ATF7IP2: variants seen among roughly 807,000 people sequenced by gnomAD.
ATF7IP2 encodes activating transcription factor 7-interacting protein 2.
In ATF7IP2, 42 loss-of-function variants were observed where a neutral mutation model predicts 64.2. The ratio of observed to expected loss-of-function variants is 0.65; its 90% CI spans 0.51 to 0.85. The LOEUF is 0.85. Ranked by LOEUF, ATF7IP2 falls within the 40% of genes least tolerant of loss-of-function variation. ATF7IP2 has a pLI of 0.00. For missense variants in ATF7IP2, 933 were observed against 784.2 expected (o/e 1.19, Z -2.27); for synonymous variants, 308 against 272.8 (o/e 1.13, Z -1.27).
At chr16:10,476,161 CTT>C (rs1362819978) in intron 12 of ATF7IP2, among the ~76,000 whole-genome samples, 1 of 152,200 alleles carries the variant, frequency 6.6e-6, no homozygotes, top group African/African-American at 2.4e-5. Flanking sequence ...AAATCTGTCT[CTT>C]AAAGCTAGTA....
At chr16:10,466,018 C>G (rs774093659) in intron 9 of ATF7IP2, among the ~76,000 whole-genome samples, 9 of 152,174 alleles carry the variant, frequency 5.9e-5, no homozygotes, top group Non-Finnish European at 1.0e-4. Flanking sequence ...CAATGGCATC[C>G]AGCCTGCCTC....
intron 9 of ATF7IP2, among the ~76,000 whole-genome samples, chr16:10,470,368 T>C (rs2049746554): frequency 6.6e-6 from 1 of 152,088 alleles, no homozygotes; most frequent in African/African-American, 2.4e-5. Context: ...ACTGAAGAAA[T>C]TAAAGGAGAC....
At chr16:10,447,429 GC>G (rs1419284774) in intron 8 of ATF7IP2, 2 of 152,128 alleles carry the variant, frequency 1.3e-5, no homozygotes, top group African/African-American at 2.4e-5. Context: ...CCCAGGCAGG[GC>G]CCCCAAATTG....
intron 1 of ATF7IP2, among the ~76,000 whole-genome samples, chr16:10,405,920 C>G (rs1054946920): frequency 6.6e-6 from 1 of 152,088 alleles, no homozygotes; most frequent in Non-Finnish European, 1.5e-5. Context: ...TGGTAAAACC[C>G]CATCTCTACT....
chr16:10,408,723 T>C (rs992134025), intron 1 of ATF7IP2, among the ~76,000 whole-genome samples: 21 of 152,258 alleles, frequency 1.4e-4, no homozygotes, highest in African/African-American at 4.8e-4. Context: ...GAGTGCCTTG[T>C]AGACTCTAGA....
rs2141875126 is a variant in ATF7IP2 at position 10,430,818 on chromosome 16, A to G, written c.198A>G (p.Lys66=). The G allele has an allele frequency of 1.2e-6, 2 of 1,613,966 alleles. No homozygotes were observed. Among genetic ancestry groups the G allele is most frequent in the East Asian group, 4.5e-5 (2 of 44,866 alleles). ...SVITRTTEIT[K]CSPSENGASS... The stretch of plus-strand genomic sequence containing the variant: ...TAACTAGGACGACTGAAATAACCAA[A>G]TGTAGCCCTTCTGAAAATGGTGCAT... The change falls in exon 5 of 14, where the codon AAA becomes AAG. Residue 66 remains lysine, a synonymous_variant. Transcript: ENST00000562102.
chr16:10,427,496 G>C (rs993058028), intron 3 of ATF7IP2, among the ~76,000 whole-genome samples: 18 of 152,298 alleles, frequency 1.2e-4, no homozygotes, highest in Non-Finnish European at 2.6e-4. Context: ...TACCTTTTCA[G>C]TATCTAGAAA....
chr16:10,393,315 CAAAAAAAAAA>C (rs58879332), intron 1 of ATF7IP2, among the ~76,000 whole-genome samples: 12 of 77,156 alleles, frequency 1.6e-4, no homozygotes, highest in African/African-American at 2.1e-4. Context: ...GACTCTGTCT[CAAAAAAAAAA>C]AAAAAAAAAA....
intron 1 of ATF7IP2, among the ~76,000 whole-genome samples, chr16:10,401,639 T>C (rs1319709935): frequency 6.6e-6 from 1 of 152,144 alleles, no homozygotes; most frequent in Non-Finnish European, 1.5e-5. Flanking sequence ...AAGAATTCCC[T>C]CCTTTTTTTT....
At chr16:10,386,382 G>A (rs2141716195) in intron 1 of ATF7IP2, 1 of 152,556 alleles carries the variant, frequency 6.6e-6, no homozygotes, top group Non-Finnish European at 1.5e-5. Flanking sequence ...GTGGTGTGCG[G>A]CCTCAGGTCC....
At chr16:10,437,394 AT>A (rs548992115) in intron 6 of ATF7IP2, among the ~76,000 whole-genome samples, 102 of 152,178 alleles carry the variant, frequency 6.7e-4, no homozygotes, top group Non-Finnish European at 1.1e-3. Flanking sequence ...AATTTTAACA[AT>A]AAGAAAGCCA....
chr16:10,393,704 G>GT (rs1170963648), intron 1 of ATF7IP2, among the ~76,000 whole-genome samples: 1 of 152,028 alleles, frequency 6.6e-6, no homozygotes, highest in Non-Finnish European at 1.5e-5. Flanking sequence ...TTTCTGATAG[G>GT]TTTTTTGGGA....
At chr16:10,456,284 A>G (rs1369537257) in intron 8 of ATF7IP2, among the ~76,000 whole-genome samples, 1 of 152,220 alleles carries the variant, frequency 6.6e-6, no homozygotes, top group African/African-American at 2.4e-5. Flanking sequence ...CAGCCTGACC[A>G]GATTGCAGAA....
chr16:10,405,000 G>T (rs1344882851), intron 1 of ATF7IP2, among the ~76,000 whole-genome samples: 1 of 152,176 alleles, frequency 6.6e-6, no homozygotes, highest in Non-Finnish European at 1.5e-5. Flanking sequence ...AGCAAATGGT[G>T]AGGGAATTCA....
chr16:10,446,576 C>T (rs958707711), intron 8 of ATF7IP2: 1 of 152,198 alleles, frequency 6.6e-6, no homozygotes, highest in African/African-American at 2.4e-5. Context: ...ACATCCAATC[C>T]TCATATGACC....
At chr16:10,424,096 C>G (rs1345195245) in intron 3 of ATF7IP2, among the ~76,000 whole-genome samples, 1 of 152,236 alleles carries the variant, frequency 6.6e-6, no homozygotes, top group Non-Finnish European at 1.5e-5. Flanking sequence ...GGCTAGTTAT[C>G]TGCAGCAGGA....
At chr16:10,443,010 G>A (rs995263688) in intron 8 of ATF7IP2, among the ~76,000 whole-genome samples, 2 of 152,152 alleles carry the variant, frequency 1.3e-5, no homozygotes, top group Non-Finnish European at 2.9e-5. Flanking sequence ...ATCGTGAGGG[G>A]CCTCTCTTGT....
chr16:10,438,183 T>G lies in ATF7IP2; in HGVS notation c.1043T>G (p.Ile348Ser). The change falls in exon 7 of 14, where the codon ATT (isoleucine) becomes AGT (serine). Residue 348 changes from isoleucine to serine, a missense_variant. By Grantham distance (142) the Ile-to-Ser change is moderately radical. Transcript: ENST00000562102. ...AAACTGAAAGAATTGAACCAACGCA[T>G]TGGGAAGACAGAGTGCAGAAATAAG... ...DKKLKELNQR[I>S]GKTECRNKHE... 1 of 1,606,756 alleles carries G rather than the reference T, an allele frequency of 6.2e-7. No homozygotes were observed. The highest frequency in any genetic ancestry group is 1.1e-5 in the South Asian group (1 of 89,878).
intron 12 of ATF7IP2, among the ~76,000 whole-genome samples, chr16:10,474,415 A>G (rs1005642466): frequency 2.4e-4 from 37 of 152,216 alleles, no homozygotes; most frequent in African/African-American, 8.9e-4. Context: ...AACCCATTGA[A>G]AGACATCTGG....
Sources: allele counts gnomAD v4.1 joint callset (sites outside exome capture counted in the v4.1 genomes callset), GRCh38; gene constraint gnomAD v4.1.1; transcripts MANE v1.5; gene names NCBI Gene and HGNC (gene_info 2026-07-23, HGNC 2026-07-21).